MAST4: variants seen among roughly 807,000 people sequenced by gnomAD.
The protein encoded by MAST4 is microtubule-associated serine/threonine-protein kinase 4.
MAST4 carries 89 observed loss-of-function variants against 162.7 expected under a neutral mutation model. The observed-to-expected ratio is 0.55, with a 90% CI of 0.46 to 0.65. MAST4 has a LOEUF of 0.65. Ranked by LOEUF, MAST4 falls within the 30% of genes least tolerant of loss-of-function variation. MAST4 has a pLI of 0.00. For synonymous variants in MAST4, 1,479 were observed against 1,361.1 expected (o/e 1.09, Z -1.91); for missense variants, 3,153 against 3,374.0 (o/e 0.93, Z 1.62).
At chr5:67,067,936 T>G (rs73768181) in intron 5 of MAST4, among the ~76,000 whole-genome samples, 73 of 152,152 alleles carry the variant, frequency 4.8e-4, no homozygotes, top group African/African-American at 1.7e-3. Flanking sequence ...TACACACACA[T>G]ACACACACAC....
chr5:66,817,397 TAA>T (rs1442453056), intron 3 of MAST4, among the ~76,000 whole-genome samples: 7 of 152,120 alleles, frequency 4.6e-5, no homozygotes, highest in African/African-American at 1.7e-4. Flanking sequence ...TATATAAAAT[TAA>T]AGAAGAATAT....
rs113263187 is a variant in MAST4, at chr5:67,030,996, C to G, written c.675-23408C>G. Among the ~76,000 whole-genome samples, 287 of 152,196 alleles carry G rather than the reference C, an allele frequency of 1.9e-3. 1 individual carries two copies. Among genetic ancestry groups the G allele is most frequent in the Non-Finnish European group, 3.5e-3 (236 of 67,996 alleles). On this transcript the variant is annotated intron_variant, in intron 4 of 28. Coordinates refer to ENST00000403625, the MANE Select transcript of MAST4 (RefSeq NM_001164664.2). ...TTTGTTTAAAGTGTGGATAATGCTG[C>G]CTAACTCATTAACTGTCCTGTAAAA...
At chr5:67,050,196 G>A (rs1365153115) in intron 4 of MAST4, among the ~76,000 whole-genome samples, 1 of 152,162 alleles carries the variant, frequency 6.6e-6, no homozygotes, top group Non-Finnish European at 1.5e-5. Context: ...AGGTGCTGTT[G>A]GCAGTAATTA....
chr5:66,886,740 A>T (rs1371350915), intron 3 of MAST4, among the ~76,000 whole-genome samples: 3 of 150,732 alleles, frequency 2.0e-5, no homozygotes, highest in Admixed American at 6.7e-5. Context: ...TAGAAACTAA[A>T]GTGAAAACCA....
At position 67,136,759 on chromosome 5, in the gene MAST4, A is replaced by G. The variant is rs188546067; in HGVS notation, c.2494+95A>G. The G allele has an allele frequency of 1.9e-5, 17 of 876,236 alleles. No individual in the cohort carries two copies. The African/African-American group carries it at 2.5e-4, about 13-fold the overall frequency. The allele number at this position is 876,236 out of a possible 1,614,324, so 54.3% of individuals were successfully genotyped here. On this transcript the variant is annotated intron_variant, in intron 19 of 28. Coordinates refer to ENST00000403625, the MANE Select transcript of MAST4 (RefSeq NM_001164664.2). ...TTTGTTGTTGTTTTGCTTTTTGCAT[A>G]GGCAACATCTGTTAGTTGATGTAGA...
chr5:67,074,635 ATATC>A (rs1208690741), intron 5 of MAST4, among the ~76,000 whole-genome samples: 1 of 152,190 alleles, frequency 6.6e-6, no homozygotes, highest in Non-Finnish European at 1.5e-5. Flanking sequence ...TTTTTGAAAA[ATATC>A]TAATAGCATA....
intron 1 of MAST4, among the ~76,000 whole-genome samples, chr5:66,599,252 G>T (rs1183170670): frequency 1.3e-5 from 2 of 152,158 alleles, no homozygotes; most frequent in Admixed American, 6.5e-5. Context: ...GGGCAGGGGG[G>T]TGTTCACCTT....
chr5:66,892,261 A>G (rs1051265756), intron 3 of MAST4, among the ~76,000 whole-genome samples: 6 of 152,192 alleles, frequency 3.9e-5, no homozygotes, highest in African/African-American at 1.4e-4. Flanking sequence ...AATAACAAGA[A>G]ACATTGGGGA....
At chr5:66,690,677 A>G (rs1013221740) in intron 1 of MAST4, among the ~76,000 whole-genome samples, 1 of 152,188 alleles carries the variant, frequency 6.6e-6, no homozygotes, top group African/African-American at 2.4e-5. Flanking sequence ...CATTTAAAGA[A>G]CTTCTTATCT....
At chr5:67,111,596 G>T (rs1766254894) in intron 11 of MAST4, among the ~76,000 whole-genome samples, 1 of 152,124 alleles carries the variant, frequency 6.6e-6, no homozygotes, top group Non-Finnish European at 1.5e-5. Flanking sequence ...CAGGTAGAAT[G>T]GTTAGTTAAC....
intron 3 of MAST4, among the ~76,000 whole-genome samples, chr5:66,869,050 A>T (rs1346979938): frequency 1.3e-5 from 2 of 152,122 alleles, no homozygotes; most frequent in Non-Finnish European, 2.9e-5. Context: ...GCTGAGATTA[A>T]TTTTTTTCCC....
In MAST4 at chr5:67,164,639, G is replaced by A; in HGVS notation, c.5460G>A (p.Leu1820=). 6.2e-7 allele frequency: 1 copy of A among 1,614,006 alleles called. No homozygotes were observed. Residue 1820 remains leucine, a synonymous_variant, in exon 29 of 29, where the codon CTG becomes CTA. Transcript: ENST00000403625. This position sits in a 1 kb window ranked among gnomAD's most constrained non-coding sequence, Gnocchi z 5.3. ...LSGPQASKTE[L]PSPESAQSPS... ...GACCTCAGGCCTCCAAGACAGAACTGCCTTCCCCAGAGTCTGCACAGAGCC... is the reference window on the plus strand; with the variant it reads ...GACCTCAGGCCTCCAAGACAGAACTACCTTCCCCAGAGTCTGCACAGAGCC...
chr5:66,663,226 G>A (rs996707076), intron 1 of MAST4, among the ~76,000 whole-genome samples: 1 of 152,110 alleles, frequency 6.6e-6, no homozygotes, highest in Non-Finnish European at 1.5e-5. Flanking sequence ...TGTATACATG[G>A]ATTGTTTTAG....
intron 3 of MAST4, among the ~76,000 whole-genome samples, chr5:66,872,451 G>T (rs25840): frequency 0.86 from 131,495 of 152,216 alleles, 57,129 homozygotes; most frequent in Non-Finnish European, 0.92. Flanking sequence ...ATTACAGGCG[G>T]GAGCCACCAC....
intron 14 of MAST4, 38 bp from the exon 15 acceptor site, chr5:67,130,172 C>T (rs771351781): frequency 1.3e-6 from 2 of 1,562,958 alleles, no homozygotes; most frequent in African/African-American, 1.4e-5. Context: ...CTTACTTTCT[C>T]TCCTCCTGTC....
chr5:66,863,308 A>T, intron 3 of MAST4, among the ~76,000 whole-genome samples: 1 of 152,190 alleles, frequency 6.6e-6, no homozygotes, highest in East Asian at 1.9e-4. Context: ...AGGCACGTCC[A>T]CAGTGTTTGT....
In MAST4 at chr5:67,163,807, G is replaced by T; in HGVS notation, c.4628G>T (p.Gly1543Val). The change falls in exon 29 of 29, where the codon GGC becomes GTC. Residue 1543 changes from glycine to valine, a missense_variant. Gly to Val is a moderately radical substitution (Grantham distance 109). This residue lies in a region of MAST4 where 1,644 missense variants were observed against 1,495.0 expected (regional missense o/e 1.10). Coordinates refer to ENST00000403625, the MANE Select transcript of MAST4 (RefSeq NM_001164664.2). The surrounding 1 kb of genome is among the most constrained non-coding windows in gnomAD (Gnocchi z 7.0). Reference protein sequence around the residue: ...KAKVVVKKADGFPEKQESHQK... With the variant: ...KAKVVVKKADVFPEKQESHQK... ...AAGGTGGTGGTGAAGAAAGCAGACG[G>T]CTTCCCAGAGAAACAGGAATCCCAC... 1 of 1,612,688 alleles carries T rather than the reference G, an allele frequency of 6.2e-7. No homozygotes were observed. The highest frequency in any genetic ancestry group is 8.5e-7 in the Non-Finnish European group (1 of 1,179,310).
intron 3 of MAST4, among the ~76,000 whole-genome samples, chr5:66,870,529 G>A (rs182964390): frequency 3.0e-4 from 45 of 152,164 alleles, no homozygotes; most frequent in Admixed American, 1.2e-3. Flanking sequence ...CTTAATACTG[G>A]GTTGTGTTTG....
At chr5:66,920,358 G>A (rs1159418548) in intron 4 of MAST4, among the ~76,000 whole-genome samples, 16 of 152,062 alleles carry the variant, frequency 1.1e-4, no homozygotes, top group Non-Finnish European at 2.9e-5. Flanking sequence ...ATAATTATGT[G>A]TATCTGTGTA....
Sources: gnomAD v4.1 joint callset for allele counts (sites outside exome capture counted in the v4.1 genomes callset) on GRCh38, gnomAD v4.1.1 for gene constraint, gnomAD v4.1.1 regional missense constraint, Gnocchi (gnomAD v3.1) non-coding constraint, MANE v1.5 for transcripts, NCBI Gene and HGNC (gene_info 2026-07-23, HGNC 2026-07-21) for gene names.